The following CDC25A variants were observed in gnomAD, a reference collection of about 807,000 sequenced individuals.
CDC25A encodes M-phase inducer phosphatase 1.
CDC25A carries 17 observed loss-of-function variants against 64.6 expected under a neutral mutation model. That is an observed-to-expected ratio of 0.26 (90% CI 0.18 to 0.39). The LOEUF is 0.39. Among genes scored for constraint, CDC25A ranks in the 10% least tolerant of loss-of-function variants. The probability of loss-of-function intolerance (pLI) is 1.00; values close to 1 mark genes in which losing one functional copy is unlikely to be tolerated. For missense variants in CDC25A, 473 were observed against 654.8 expected (o/e 0.72, Z 3.03); for synonymous variants, 229 against 238.6 (o/e 0.96, Z 0.37).
At chr3:48,169,212 G>T (rs1329447252) in intron 9 of CDC25A, among the ~76,000 whole-genome samples, 1 of 152,188 alleles carries the variant, frequency 6.6e-6, no homozygotes, top group East Asian at 1.9e-4. Context: ...TTTGATGAGT[G>T]TAAGTTTCTC....
intron 5 of CDC25A, 59 bp from the exon 6 acceptor site, chr3:48,180,899 G>T (rs745728538): frequency 6.3e-5 from 99 of 1,581,142 alleles, no homozygotes; most frequent in Non-Finnish European, 8.3e-5. Flanking sequence ...CCTCAGCTTG[G>T]GTGAAAGAGG....
chr3:48,168,360 C>CCAAACACA (rs1553768359), intron 9 of CDC25A, among the ~76,000 whole-genome samples: 4 of 106,538 alleles, frequency 3.8e-5, no homozygotes, highest in African/African-American at 1.5e-4. Flanking sequence ...AAGACCCTGT[C>CCAAACACA]CACACACACA....
At chr3:48,160,205 C>T (rs1399595527) in intron 13 of CDC25A, among the ~76,000 whole-genome samples, 2 of 151,902 alleles carry the variant, frequency 1.3e-5, no homozygotes, top group South Asian at 2.1e-4. Flanking sequence ...CTCCGTCTCC[C>T]GGGTTCAAGC....
At chr3:48,176,073 CAGA>C (rs2032444509) in intron 8 of CDC25A, among the ~76,000 whole-genome samples, 1 of 152,136 alleles carries the variant, frequency 6.6e-6, no homozygotes, top group African/African-American at 2.4e-5. Flanking sequence ...AAGGCTGAGC[CAGA>C]AGAAGCACTT....
intron 13 of CDC25A, among the ~76,000 whole-genome samples, chr3:48,161,688 AAC>A (rs2031770635): frequency 6.6e-6 from 1 of 152,078 alleles, no homozygotes; most frequent in Non-Finnish European, 1.5e-5. Flanking sequence ...CAGCCTGGAC[AAC>A]AGAGACTGAC....
At chr3:48,167,751 C>T (rs889383507) in intron 10 of CDC25A, 95 bp downstream of exon 10, 1 of 726,888 alleles carries the variant, frequency 1.4e-6, no homozygotes, top group Non-Finnish European at 2.5e-6. Flanking sequence ...TGGAGGTATG[C>T]CAGGAACCAC....
At chr3:48,175,297 CAATAAATA>C (rs927788386) in intron 8 of CDC25A, among the ~76,000 whole-genome samples, 3 of 151,708 alleles carry the variant, frequency 2.0e-5, no homozygotes, top group African/African-American at 4.9e-5. Context: ...GACTCTGTCT[CAATAAATA>C]AATAAATAAA....
intron 10 of CDC25A, among the ~76,000 whole-genome samples, chr3:48,167,405 G>C (rs2106706082): frequency 6.6e-6 from 1 of 152,270 alleles, no homozygotes; most frequent in Non-Finnish European, 1.5e-5. Flanking sequence ...TAGACTTCCT[G>C]GAGGGTCTTT....
intron 8 of CDC25A, 23 bp from the exon 9 acceptor site, chr3:48,174,480 G>A: frequency 3.8e-6 from 6 of 1,593,638 alleles, no homozygotes; most frequent in Non-Finnish European, 5.1e-6. Flanking sequence ...AAAACAGACA[G>A]ACCCATCTTT....
chr3:48,157,174 G>C lies in CDC25A; in HGVS notation c.*1771C>G, dbSNP rs1426771704. 1.3e-5 allele frequency: 2 copies of C among 152,202 alleles called. No homozygotes were observed. The highest frequency in any genetic ancestry group is 1.3e-4 in the Admixed American group (2 of 15,278). 9.4% of individuals were successfully genotyped at this position (152,202 alleles called of 1,614,324 possible). On this transcript the variant is annotated 3_prime_UTR_variant, in exon 15 of 15. Transcript: ENST00000302506. ...TTAAATCCATCAAGAACTAGGCAGAGAGCATGGGTTCAAGATCTTTTATTT... is the reference window on the plus strand; with the variant it reads ...TTAAATCCATCAAGAACTAGGCAGACAGCATGGGTTCAAGATCTTTTATTT...
At chr3:48,166,964 T>C (rs1245708184) in intron 10 of CDC25A, among the ~76,000 whole-genome samples, 1 of 152,210 alleles carries the variant, frequency 6.6e-6, no homozygotes, top group Non-Finnish European at 1.5e-5. Flanking sequence ...AGCTGGATCT[T>C]TGCTTGTTCT....
At position 48,158,723 on chromosome 3, in the gene CDC25A, G is replaced by A; in HGVS notation, c.*222C>T. 1.8e-6 allele frequency: 1 copy of A among 545,202 alleles called. No homozygotes were observed. The highest frequency in any genetic ancestry group is 1.9e-5 in the African/African-American group (1 of 52,926). The allele number at this position is 545,202 out of a possible 1,614,324, so 33.8% of individuals were successfully genotyped here. A position where few individuals can be genotyped will look rare whatever the true frequency, so the allele number is the denominator to read the frequency against. On this transcript the variant is annotated 3_prime_UTR_variant, in exon 15 of 15. Coordinates refer to ENST00000302506, the MANE Select transcript of CDC25A (RefSeq NM_001789.3). ...CAGAACTGCATTGTGGCACAGTTCT[G>A]ATATGGACGGAGGACGTCTAACAGG...
At chr3:48,183,957 AAG>A (rs2032758002) in intron 3 of CDC25A, 121 bp from the exon 4 acceptor site, 1 of 572,716 alleles carries the variant, frequency 1.7e-6, no homozygotes, top group Non-Finnish European at 3.2e-6. Flanking sequence ...CATTTTAGGC[AAG>A]AGATGGGAGA....
chr3:48,185,648 C>T lies in CDC25A; in HGVS notation c.248-953G>A, dbSNP rs146151345. 3.1e-3 allele frequency among the ~76,000 whole-genome samples: 476 copies of T among 152,194 alleles called. 3 individuals carry two copies. Among genetic ancestry groups the T allele is most frequent in the African/African-American group, 0.011 (449 of 41,520 alleles). ...CTCAAAATGAAAAAGAAAAATACAA[C>T]TACTGGTCATGACATGCAAGGCAAG... On this transcript the variant is annotated intron_variant, in intron 2 of 14. Coordinates refer to ENST00000302506, the MANE Select transcript of CDC25A (RefSeq NM_001789.3).
intron 9 of CDC25A, among the ~76,000 whole-genome samples, chr3:48,170,279 T>G (rs1318419300): frequency 6.6e-6 from 1 of 152,122 alleles, no homozygotes; most frequent in Non-Finnish European, 1.5e-5. Flanking sequence ...ATCAGGAAGT[T>G]GAGGGCCCAG....
chr3:48,181,516 C>CG, intron 5 of CDC25A: 3 of 1,212,946 alleles, frequency 2.5e-6, no homozygotes, highest in Non-Finnish European at 3.6e-6. Flanking sequence ...CCCTTGGTCT[C>CG]GGGGTCGCGG....
At chr3:48,170,526 C>G (rs2032228712) in intron 9 of CDC25A, among the ~76,000 whole-genome samples, 1 of 152,212 alleles carries the variant, frequency 6.6e-6, no homozygotes, top group Non-Finnish European at 1.5e-5. Context: ...CTGCCATGCT[C>G]TCCTTGGGTG....
intron 12 of CDC25A, 135 bp from the exon 13 acceptor site, chr3:48,164,572 T>C (rs1004395638): frequency 1.8e-5 from 14 of 777,920 alleles, no homozygotes; most frequent in Non-Finnish European, 2.7e-5. Flanking sequence ...TTCTTCTAGC[T>C]GAATAGCCCA....
rs1167506793 is a variant in CDC25A at position 48,157,296 on chromosome 3, CTT to C, written c.*1647_*1648del. The C allele has an allele frequency of 6.6e-6, 1 of 152,256 alleles. No homozygotes were observed. The highest frequency in any genetic ancestry group is 6.5e-5 in the Admixed American group (1 of 15,274). 9.4% of individuals were successfully genotyped at this position (152,256 alleles called of 1,614,324 possible). Reference sequence around the variant, plus strand: ...TTTAGGCAGTCAACCAACAGAATCTCTTTCTTACAAACAATATCATTAACCAG... The same window carrying C: ...TTTAGGCAGTCAACCAACAGAATCTCTCTTACAAACAATATCATTAACCAG... On this transcript the variant is annotated 3_prime_UTR_variant, in exon 15 of 15. Transcript: ENST00000302506.
Sources: gnomAD v4.1 joint callset for allele counts (sites outside exome capture counted in the v4.1 genomes callset) on GRCh38, gnomAD v4.1.1 for gene constraint, MANE v1.5 for transcripts, NCBI Gene and HGNC (gene_info 2026-07-23, HGNC 2026-07-21) for gene names.